Variants in TLN2 observed in about 807,000 individuals in gnomAD.
TLN2 encodes talin 2.
In TLN2, 118 loss-of-function variants were observed where a neutral mutation model predicts 294.7. The ratio of observed to expected loss-of-function variants is 0.40; its 90% CI spans 0.34 to 0.47. The LOEUF (loss-of-function observed/expected upper bound fraction) is 0.47, where lower values mean the gene tolerates loss of function less well. Among genes scored for constraint, TLN2 ranks in the 20% least tolerant of loss-of-function variants. The probability of loss-of-function intolerance (pLI) is 0.84; values close to 1 mark genes in which losing one functional copy is unlikely to be tolerated. For missense variants in TLN2, 3,083 were observed against 3,282.2 expected, an observed-to-expected ratio of 0.94 and a Z score of 1.48; for synonymous variants, 1,431 against 1,304.5, an observed-to-expected ratio of 1.10 and a Z score of -2.09.
intron 14 of TLN2, among the ~76,000 whole-genome samples, chr15:62,695,166 C>CT (rs561771385): frequency 2.7e-4 from 41 of 152,144 alleles, no homozygotes; most frequent in South Asian, 6.2e-4. Flanking sequence ...ATAAATGGCT[C>CT]TTTTTGGGAA....
chr15:62,647,178 T>G (rs2051974553), intron 3 of TLN2, 97 bp from the exon 4 acceptor site: 1 of 1,163,516 alleles, frequency 8.6e-7, no homozygotes, highest in African/African-American at 1.5e-5. Context: ...TTTCCATGTT[T>G]AAAGTTGATT....
intron 3 of TLN2, among the ~76,000 whole-genome samples, 182 bp from the exon 4 acceptor site, chr15:62,647,093 T>C (rs1411387871): frequency 1.3e-5 from 2 of 152,248 alleles, no homozygotes; most frequent in Non-Finnish European, 2.9e-5. Flanking sequence ...GTTGTCCTCC[T>C]TTAAATTTTT....
intron 28 of TLN2, among the ~76,000 whole-genome samples, chr15:62,733,568 A>G (rs930739956): frequency 6.6e-6 from 1 of 152,240 alleles, no homozygotes; most frequent in Admixed American, 6.5e-5. Flanking sequence ...TGGAACAGAT[A>G]AAAGATTTGT....
chr15:62,632,909 G>A (rs929899346), intron 3 of TLN2, among the ~76,000 whole-genome samples: 26 of 148,048 alleles, frequency 1.8e-4, no homozygotes, highest in Non-Finnish European at 3.1e-4. Context: ...TAGAGTAACC[G>A]AAAGTGGGCT....
At position 62,708,777 on chromosome 15, in the gene TLN2, C is replaced by T. The variant is rs781117973; in HGVS notation, c.2448C>T (p.Phe816=). 6.2e-7 allele frequency: 1 copy of T among 1,604,508 alleles called. No individual in the cohort carries two copies. The highest frequency in any genetic ancestry group is 8.5e-7 in the Non-Finnish European group (1 of 1,179,630). Residue 816 remains phenylalanine (F), a synonymous_variant, in exon 21 of 59, where the codon TTC becomes TTT. Coordinates refer to ENST00000636159, the MANE Select transcript of TLN2 (RefSeq NM_015059.3). ...TCATGTGTGTCACCGAGAGCATCTT[C>T]AGCTCCATGGGTGACGCTGGTAAGG... ...DTIMCVTESI[F]SSMGDAGEMV...
At chr15:62,789,719 T>C (rs983560063) in intron 45 of TLN2, among the ~76,000 whole-genome samples, 6 of 152,208 alleles carry the variant, frequency 3.9e-5, no homozygotes, top group African/African-American at 1.4e-4. Context: ...GGCTGGACTC[T>C]GCACGGGAGC....
chr15:62,784,062 T>C (rs957139529), intron 45 of TLN2, 172 bp downstream of exon 45: 8 of 1,164,698 alleles, frequency 6.9e-6, no homozygotes, highest in Non-Finnish European at 9.4e-6. Flanking sequence ...CCCCAGGCTG[T>C]ACTCAAGTCT....
At position 62,800,356 on chromosome 15, in the gene TLN2, GCTCT is replaced by G. The variant is rs747839830; in HGVS notation, c.6235-9_6235-6del. ...TGACGCCTGCTCACCTGAGTTCTGT[GCTCT>G]CTTTCAGGTGGTTTTGATCAATGCC... On this transcript the variant is annotated splice_region_variant and splice_polypyrimidine_tract_variant and intron_variant, in intron 48 of 58. Transcript: ENST00000636159. 5 of 1,612,730 alleles carry G rather than the reference GCTCT, an allele frequency of 3.1e-6. No individual in the cohort carries two copies. In the Admixed American group the frequency reaches 6.7e-5, roughly 22 times the overall value.
Position 62,792,793 on chromosome 15 carries a change from G to A in TLN2, c.5883+6G>A, listed in dbSNP as rs765837207. ...CCCGTGCCGTCACGGAAAAGGTAAG[G>A]AGCAGCCCTCAGTTTAGAGTCACAA... On this transcript the variant is annotated splice_donor_region_variant and intron_variant, in intron 46 of 58. Transcript: ENST00000636159. 6.2e-7 allele frequency: 1 copy of A among 1,613,726 alleles called. No homozygotes were observed. Among genetic ancestry groups the A allele is most frequent in the African/African-American group, 1.3e-5 (1 of 74,932 alleles).
intron 25 of TLN2, 53 bp downstream of exon 25, chr15:62,719,933 G>C: frequency 7.1e-7 from 1 of 1,400,846 alleles, no homozygotes; most frequent in Non-Finnish European, 9.7e-7. Context: ...TCTGGGCAGG[G>C]GCTGCCCTTT....
chr15:62,702,114 A>T lies in TLN2; in HGVS notation c.1819A>T (p.Ser607Cys). Residue 607 changes from serine to cysteine, a missense_variant, in exon 18 of 59, where the codon AGC (serine) becomes TGC (cysteine). Ser to Cys is a moderately radical substitution (Grantham distance 112). Transcript: ENST00000636159. ...CGCCCTCATGGATGATGAGGTGGGC[A>T]GCGGGGAGGACTTGCTCAGAGCTGC... ...LAALMDDEVG[S>C]GEDLLRAART... 6.2e-7 allele frequency: 1 copy of T among 1,614,164 alleles called. No individual in the cohort carries two copies. Among genetic ancestry groups the T allele is most frequent in the Non-Finnish European group, 8.5e-7 (1 of 1,180,034 alleles).
rs1179476541 is a variant in TLN2, at chr15:62,802,976, C to G, written c.6477+2207C>G. ...CCTTACATAGGCTAGTTATTAACCCCTTGTCAGATATGTAGTTTGCAACTG... is the reference window on the plus strand; with the variant it reads ...CCTTACATAGGCTAGTTATTAACCCGTTGTCAGATATGTAGTTTGCAACTG... On this transcript the variant is annotated intron_variant, in intron 50 of 58. Coordinates refer to ENST00000636159, the MANE Select transcript of TLN2 (RefSeq NM_015059.3). 1.4e-4 allele frequency among the ~76,000 whole-genome samples: 21 copies of G among 152,208 alleles called. No individual in the cohort carries two copies. In the East Asian group the frequency reaches 3.9e-3, roughly 28 times the overall value.
At position 62,549,468 on chromosome 15, in the gene TLN2, C is replaced by T. The variant is rs541331524; in HGVS notation, c.-237-40219C>T. ...TTAATAGTGCCACTCAGAGGCCTGC[C>T]ATGCATGCCATGCATCCATCCATCC... is the stretch of plus-strand genomic sequence containing the variant. On this transcript the variant is annotated intron_variant, in intron 1 of 58. Transcript: ENST00000636159. Among the ~76,000 whole-genome samples the T allele has an allele frequency of 4.9e-5, 7 of 141,846 alleles. 1 individual carries two copies. The South Asian group carries it at 1.2e-3, about 24-fold the overall frequency. The allele number at this position is 141,846 out of a possible 152,430, so 93.1% of individuals were successfully genotyped here. A position where few individuals can be genotyped will look rare whatever the true frequency, so the allele number is the denominator to read the frequency against.
chr15:62,559,309 T>G (rs1324350998), intron 1 of TLN2, among the ~76,000 whole-genome samples: 1 of 152,078 alleles, frequency 6.6e-6, no homozygotes, highest in African/African-American at 2.4e-5. Context: ...TGGGCTACAA[T>G]CTAAGTAACT....
At chr15:62,402,224 A>C (rs2033076692) in intron 1 of TLN2, among the ~76,000 whole-genome samples, 1 of 152,190 alleles carries the variant, frequency 6.6e-6, no homozygotes, top group African/African-American at 2.4e-5. Flanking sequence ...TTTCTGACCC[A>C]CTAAACTGAT....
At chr15:62,492,173 C>A (rs540695062) in intron 1 of TLN2, among the ~76,000 whole-genome samples, 1 of 151,904 alleles carries the variant, frequency 6.6e-6, no homozygotes, top group African/African-American at 2.4e-5. Context: ...AAAAACTGGC[C>A]GGACGCGGTG....
chr15:62,753,385 A>G (rs760111407), intron 35 of TLN2, among the ~76,000 whole-genome samples: 1 of 152,062 alleles, frequency 6.6e-6, no homozygotes, highest in Non-Finnish European at 1.5e-5. Context: ...GCATGCACCC[A>G]CTGTTTTGTG....
At chr15:62,740,916 ACT>A (rs1198721257) in intron 32 of TLN2, 147 bp downstream of exon 32, 6 of 974,966 alleles carry the variant, frequency 6.2e-6, no homozygotes, top group Middle Eastern at 3.3e-4. Flanking sequence ...AGTGATGGAC[ACT>A]CTGATATTTT....
chr15:62,628,812 A>G (rs957196956), intron 3 of TLN2, among the ~76,000 whole-genome samples: 18 of 152,214 alleles, frequency 1.2e-4, no homozygotes, highest in Admixed American at 8.5e-4. Context: ...GATATCTGCA[A>G]AGTTTTCCCA....
Sources: gnomAD v4.1 joint callset for allele counts (sites outside exome capture counted in the v4.1 genomes callset) on GRCh38, gnomAD v4.1.1 for gene constraint, MANE v1.5 for transcripts, NCBI Gene and HGNC (gene_info 2026-07-23, HGNC 2026-07-21) for gene names.